Variants in ADAT3 observed in about 807,000 individuals in gnomAD.
The protein encoded by ADAT3 is adenosine deaminase tRNA specific 3.
A neutral mutation model predicts 3.5 loss-of-function variants in ADAT3; 2 were observed. The ratio of observed to expected loss-of-function variants is 0.57; its 90% CI spans 0.23 to 1.79. ADAT3 has a LOEUF of 1.79. Ranked by LOEUF, ADAT3 falls within the 40% of genes most tolerant of loss-of-function variation. ADAT3 has a pLI of 0.18. For synonymous variants in ADAT3, 358 were observed against 270.3 expected (o/e 1.32, Z -3.18); for missense variants, 735 against 571.4 (o/e 1.29, Z -2.92).
Position 1,912,630 on chromosome 19 carries a change from C to G in ADAT3, c.583C>G (p.Arg195Gly). The G allele has an allele frequency of 6.9e-7, 1 of 1,444,796 alleles. No homozygotes were observed. Among genetic ancestry groups the G allele is most frequent in the South Asian group, 1.4e-5 (1 of 73,190 alleles). The allele number at this position is 1,444,796 out of a possible 1,614,324, so 89.5% of individuals were successfully genotyped here. A position where few individuals can be genotyped will look rare whatever the true frequency, so the allele number is the denominator to read the frequency against. ...CGCCGCCATGCAGAGCCACATGGAGCGGGCGGTGTGGGCGGCCCGGCGGGC... is the reference window on the plus strand; with the variant it reads ...CGCCGCCATGCAGAGCCACATGGAGGGGGCGGTGTGGGCGGCCCGGCGGGC... The part of the protein sequence containing the change: ...ERAAMQSHME[R>G]AVWAARRAAA... The change falls in exon 2 of 2, where the codon CGG becomes GGG. Residue 195 changes from arginine to glycine, a missense_variant. Arg to Gly is a moderately radical substitution (Grantham distance 125). Coordinates refer to ENST00000329478, the MANE Select transcript of ADAT3 (RefSeq NM_138422.4).
At position 1,908,179 on chromosome 19, in the gene ADAT3, C is replaced by T. The variant is rs973322124; in HGVS notation, c.-159+2740C>T. 3 of 269,354 alleles carry T rather than the reference C, an allele frequency of 1.1e-5. No individual in the cohort carries two copies. Among genetic ancestry groups the T allele is most frequent in the African/African-American group, 4.7e-5 (2 of 42,824 alleles). 16.7% of individuals were successfully genotyped at this position (269,354 alleles called of 1,614,324 possible). On this transcript the variant is annotated intron_variant, in intron 1 of 1. Coordinates refer to ENST00000329478, the MANE Select transcript of ADAT3 (RefSeq NM_138422.4). This position sits in a 1 kb window ranked among gnomAD's most constrained non-coding sequence, Gnocchi z 4.2. Reference sequence around the variant, plus strand: ...TGCGTTTTGGGAGGGCCCAGCGAGTCGGCTGCTATGGGCCCCACCTGGCAC... The same window carrying T: ...TGCGTTTTGGGAGGGCCCAGCGAGTTGGCTGCTATGGGCCCCACCTGGCAC...
intron 1 of ADAT3, among the ~76,000 whole-genome samples, chr19:1,909,422 G>T (rs552334947): frequency 6.6e-6 from 1 of 152,220 alleles, no homozygotes; most frequent in South Asian, 2.1e-4. Flanking sequence ...TTCCTCTCCA[G>T]TGGAGTGGCC....
At position 1,912,476 on chromosome 19, in the gene ADAT3, C is replaced by T. The variant is rs2013517980; in HGVS notation, c.429C>T (p.Pro143=). 6.7e-7 allele frequency: 1 copy of T among 1,500,300 alleles called. No homozygotes were observed. Among genetic ancestry groups the T allele is most frequent in the Non-Finnish European group, 8.8e-7 (1 of 1,132,084 alleles). The allele number at this position is 1,500,300 out of a possible 1,614,324, so 92.9% of individuals were successfully genotyped here. A position where few individuals can be genotyped will look rare whatever the true frequency, so the allele number is the denominator to read the frequency against. The change falls in exon 2 of 2, where the codon CCC becomes CCT. Residue 143 remains proline (P), a synonymous_variant. Transcript: ENST00000329478. ...PRGLGQPFLV[P]VPARPPLTRG... is the part of the protein sequence containing the mutation. ...GCCTGGGGCAACCCTTCCTGGTGCC[C>T]GTGCCCGCCCGGCCGCCTCTGACCA...
rs1455459409 is a variant in ADAT3 at position 1,912,687 on chromosome 19, G to A, written c.640G>A (p.Val214Met). 9 of 1,465,538 alleles carry A rather than the reference G, an allele frequency of 6.1e-6. No homozygotes were observed. Among genetic ancestry groups the A allele is most frequent in the African/African-American group, 3.0e-5 (2 of 67,182 alleles). The allele number at this position is 1,465,538 out of a possible 1,614,324, so 90.8% of individuals were successfully genotyped here. ...AARGLRAVGAVVVDPASDRVL... is the reference protein window; with the variant it reads ...AARGLRAVGAMVVDPASDRVL... The stretch of plus-strand genomic sequence containing the variant: ...GCGGGGCTTGCGGGCCGTGGGGGCC[G>A]TGGTAGTGGACCCGGCCTCGGACCG... Residue 214 changes from valine to methionine, a missense_variant, in exon 2 of 2, where the codon GTG becomes ATG. Val to Met is a conservative substitution (Grantham distance 21). Transcript: ENST00000329478.
Position 1,912,998 on chromosome 19 carries a change from A to T in ADAT3, c.951A>T (p.Ala317=). 6.2e-7 allele frequency: 1 copy of T among 1,608,366 alleles called. No individual in the cohort carries two copies. Among genetic ancestry groups the T allele is most frequent in the Non-Finnish European group, 8.5e-7 (1 of 1,179,322 alleles). ...TGTGCGCCATGGCCCTGGTGCACGCACGCATCCTGCGCGTCTTCTACGGTG... is the reference window on the plus strand; with the variant it reads ...TGTGCGCCATGGCCCTGGTGCACGCTCGCATCCTGCGCGTCTTCTACGGTG... ...CAMCAMALVH[A]RILRVFYGAP... Residue 317 remains alanine, a synonymous_variant, in exon 2 of 2, where the codon GCA becomes GCT. Transcript: ENST00000329478.
rs777917952 is a variant in ADAT3 at position 1,912,448 on chromosome 19, G to A, written c.401G>A (p.Arg134His). Residue 134 changes from arginine to histidine, a missense_variant, in exon 2 of 2, where the codon CGC becomes CAC. Physicochemically the swap from Arg to His is conservative, Grantham distance 29 (BLOSUM62 0). Coordinates refer to ENST00000329478, the MANE Select transcript of ADAT3 (RefSeq NM_138422.4). ...ELLPRPAVDP[R>H]GLGQPFLVPV... ...CTGCCACGGCCGGCTGTGGACCCCC[G>A]CGGCCTGGGGCAACCCTTCCTGGTG... is the stretch of plus-strand genomic sequence containing the variant. 1 of 1,506,540 alleles carries A rather than the reference G, an allele frequency of 6.6e-7. No individual in the cohort carries two copies. Among genetic ancestry groups the A allele is most frequent in the Non-Finnish European group, 8.8e-7 (1 of 1,134,824 alleles). 93.3% of individuals were successfully genotyped at this position (1,506,540 alleles called of 1,614,324 possible). A position where few individuals can be genotyped will look rare whatever the true frequency, so the allele number is the denominator to read the frequency against.
chr19:1,912,835 C>G lies in ADAT3; in HGVS notation c.788C>G (p.Pro263Arg). Residue 263 changes from proline (P) to arginine (R), a missense_variant, in exon 2 of 2, where the codon CCC (proline) becomes CGC (arginine). Physicochemically the swap from Pro to Arg is moderately radical, Grantham distance 103. Transcript: ENST00000329478. ...GRGTYDFRPF[P>R]ACSFAPAAAP... is the part of the protein sequence containing the mutation. ...GGCACCTACGACTTCAGACCCTTCCCCGCCTGCTCCTTCGCCCCGGCCGCT... is the reference window on the plus strand; with the variant it reads ...GGCACCTACGACTTCAGACCCTTCCGCGCCTGCTCCTTCGCCCCGGCCGCT... The G allele has an allele frequency of 6.3e-7, 1 of 1,593,308 alleles. No homozygotes were observed. Among genetic ancestry groups the G allele is most frequent in the Non-Finnish European group, 8.5e-7 (1 of 1,176,158 alleles).
Position 1,905,406 on chromosome 19 carries a change from G to C in ADAT3, c.-192G>C, listed in dbSNP as rs12974606. On this transcript the variant is annotated 5_prime_UTR_variant, in exon 1 of 2. Coordinates refer to ENST00000329478, the MANE Select transcript of ADAT3 (RefSeq NM_138422.4). ...TGGGCCGGGCCGGTTGCTAAGACTT[G>C]GCGAAGCGCTGCGCTCGCGCCCGGA... 2 of 463,862 alleles carry C rather than the reference G, an allele frequency of 4.3e-6. No homozygotes were observed. The highest frequency in any genetic ancestry group is 4.8e-5 in the Admixed American group (2 of 41,814). 28.7% of individuals were successfully genotyped at this position (463,862 alleles called of 1,614,324 possible). A position where few individuals can be genotyped will look rare whatever the true frequency, so the allele number is the denominator to read the frequency against.
Position 1,913,073 on chromosome 19 carries a change from G to GC in ADAT3, c.1029dup (p.Asp344ArgfsTer119), listed in dbSNP as rs1439390096. 1 of 1,601,658 alleles carries GC rather than the reference G, an allele frequency of 6.2e-7. No individual in the cohort carries two copies. The highest frequency in any genetic ancestry group is 8.5e-7 in the Non-Finnish European group (1 of 1,178,542). On this transcript the variant is annotated frameshift_variant, in exon 2 of 2. Coordinates refer to ENST00000329478, the MANE Select transcript of ADAT3 (RefSeq NM_138422.4). LOFTEE classifies it high-confidence loss of function. ...GCACCCGCTTCCGCATCCACGCACGGCCCGACCTCAACCACCGCTTCCAGG... is the reference window on the plus strand; with the variant it reads ...GCACCCGCTTCCGCATCCACGCACGGCCCCGACCTCAACCACCGCTTCCAGG...
intron 1 of ADAT3, 190 bp downstream of exon 1, chr19:1,905,629 C>CCCGT (rs963075440): frequency 6.2e-6 from 1 of 160,440 alleles, no homozygotes; most frequent in African/African-American, 2.5e-5. Context: ...GGCGCGAATG[C>CCCGT]GCGTGCGCGC....
Position 1,913,176 on chromosome 19 carries a change from C to T in ADAT3, c.*25C>T, listed in dbSNP as rs530048509. On this transcript the variant is annotated 3_prime_UTR_variant, in exon 2 of 2. Coordinates refer to ENST00000329478, the MANE Select transcript of ADAT3 (RefSeq NM_138422.4). ...GGCGCCGCCCTCCTGCCTCCGGACC[C>T]TTCCCGCTCCCGGCCGTGGGGCGCC... is the stretch of plus-strand genomic sequence containing the variant. 179 of 1,489,218 alleles carry T rather than the reference C, an allele frequency of 1.2e-4. No homozygotes were observed. In the South Asian group the frequency reaches 2.3e-3, roughly 19 times the overall value. The allele number at this position is 1,489,218 out of a possible 1,614,324, so 92.3% of individuals were successfully genotyped here.
intron 1 of ADAT3, chr19:1,906,045 AGAAACAGAGGATCGACTCCGTG>A (rs2013096533): frequency 2.0e-5 from 3 of 152,396 alleles, no homozygotes; most frequent in African/African-American, 7.2e-5. Flanking sequence ...TAGGGTGGCC[AGAAACAGAGGATCGACTCCGTG>A]GAAACAAGGA....
chr19:1,908,374 C>G lies in ADAT3; in HGVS notation c.-159+2935C>G, dbSNP rs891496509. The stretch of plus-strand genomic sequence containing the variant: ...GCCTGGAGTTCCACTGGCTGCTGGT[C>G]CCCCATCTGTGGGGCGCCCCGGCGG... On this transcript the variant is annotated intron_variant, in intron 1 of 1. Transcript: ENST00000329478. This position sits in a 1 kb window ranked among gnomAD's most constrained non-coding sequence, Gnocchi z 4.2. 7.5e-6 allele frequency: 3 copies of G among 400,158 alleles called. No individual in the cohort carries two copies. The highest frequency in any genetic ancestry group is 1.5e-5 in the Non-Finnish European group (3 of 194,214). The allele number at this position is 400,158 out of a possible 1,614,324, so 24.8% of individuals were successfully genotyped here. A position where few individuals can be genotyped will look rare whatever the true frequency, so the allele number is the denominator to read the frequency against.
chr19:1,911,424 G>A (rs764352866), intron 1 of ADAT3, among the ~76,000 whole-genome samples: 10 of 151,988 alleles, frequency 6.6e-5, no homozygotes, highest in Middle Eastern at 3.4e-3. Context: ...CCCCCACCTC[G>A]GCCTCCCATA....
Position 1,912,340 on chromosome 19 carries a change from G to A in ADAT3, c.293G>A (p.Arg98His). 2.0e-6 allele frequency: 3 copies of A among 1,533,958 alleles called. No homozygotes were observed. Among genetic ancestry groups the A allele is most frequent in the Non-Finnish European group, 2.6e-6 (3 of 1,148,134 alleles). ...QPHLKRVRPS[R>H]DAGSPHALEM... ...CACCTCAAGCGGGTGCGGCCCAGCC[G>A]CGATGCCGGCAGCCCCCACGCCCTG... Residue 98 changes from arginine to histidine, a missense_variant, in exon 2 of 2, where the codon CGC becomes CAC. Coordinates refer to ENST00000329478, the MANE Select transcript of ADAT3 (RefSeq NM_138422.4).
intron 1 of ADAT3, among the ~76,000 whole-genome samples, chr19:1,911,593 C>T (rs567806955): frequency 2.6e-5 from 4 of 152,146 alleles, no homozygotes; most frequent in Non-Finnish European, 5.9e-5. Flanking sequence ...CCAGCCTGAA[C>T]GACGTGGTGA....
chr19:1,912,257 C>T lies in ADAT3; in HGVS notation c.210C>T (p.Arg70=). The change falls in exon 2 of 2, where the codon CGC becomes CGT. Residue 70 remains arginine (R), a synonymous_variant. Transcript: ENST00000329478. ...LAYAAPVLDK[R]QTSRLLKEVS... is the part of the protein sequence containing the mutation. ...ACGCCGCGCCCGTCCTGGACAAGCG[C>T]CAGACCTCACGCCTCCTGAAGGAGG... 1 of 1,597,094 alleles carries T rather than the reference C, an allele frequency of 6.3e-7. No homozygotes were observed.
At chr19:1,909,196 G>A (rs928290375) in intron 1 of ADAT3, among the ~76,000 whole-genome samples, 2 of 152,148 alleles carry the variant, frequency 1.3e-5, no homozygotes, top group Admixed American at 1.3e-4. Flanking sequence ...AGATGCAGGT[G>A]GGGGAAGGCT....
rs537305142 is a variant in ADAT3, at chr19:1,909,001, G to GA, written c.-158-2889_-158-2888insA. 1.8e-3 allele frequency among the ~76,000 whole-genome samples: 271 copies of GA among 152,082 alleles called. 1 individual carries two copies. The highest frequency in any genetic ancestry group is 6.3e-3 in the African/African-American group (261 of 41,434). Reference sequence around the variant, plus strand: ...GTGCCTGTATTCCCAGCTACTAGGGGGGCTGAGGCAGGAGAATCGCTTGAA... The same window carrying GA: ...GTGCCTGTATTCCCAGCTACTAGGGGAGGCTGAGGCAGGAGAATCGCTTGAA... On this transcript the variant is annotated intron_variant, in intron 1 of 1. Transcript: ENST00000329478.
Sources: gnomAD v4.1 joint callset for allele counts (sites outside exome capture counted in the v4.1 genomes callset) on GRCh38, gnomAD v4.1.1 for gene constraint, Gnocchi (gnomAD v3.1) non-coding constraint, MANE v1.5 for transcripts, NCBI Gene and HGNC (gene_info 2026-07-23, HGNC 2026-07-21) for gene names.